LRP1B: variants seen among roughly 807,000 people sequenced by gnomAD.
The protein encoded by LRP1B is LDL receptor related protein 1B, also known as low-density lipoprotein receptor-related protein 1B.
LRP1B carries 217 observed loss-of-function variants against 556.6 expected under a neutral mutation model. That is an observed-to-expected ratio of 0.39 (90% confidence interval 0.35 to 0.44). The LOEUF is 0.44. LRP1B is among the 20% of genes least tolerant of loss of function. The pLI, the probability that LRP1B is intolerant of heterozygous loss-of-function variation, is 1.00. For synonymous variants in LRP1B, 2,047 were observed against 1,865.8 expected (o/e 1.10, Z -2.50); for missense variants, 5,053 against 5,620.8 (o/e 0.90, Z 3.23).
intron 77 of LRP1B, among the ~76,000 whole-genome samples, chr2:140,349,012 A>C (rs1681828991): frequency 6.6e-6 from 1 of 152,090 alleles, no homozygotes; most frequent in Admixed American, 6.6e-5. Context: ...CAGATTCCTC[A>C]CATGCACAGT....
chr2:140,258,709 T>C (rs1008895627), intron 86 of LRP1B, among the ~76,000 whole-genome samples: 1 of 152,090 alleles, frequency 6.6e-6, no homozygotes, highest in East Asian at 1.9e-4. Context: ...GAGACAGATG[T>C]CATTAGCAAT....
chr2:141,134,862 G>A (rs1701451977), intron 7 of LRP1B, among the ~76,000 whole-genome samples: 1 of 151,318 alleles, frequency 6.6e-6, no homozygotes, highest in South Asian at 2.1e-4. Context: ...GGCTACATAG[G>A]TTATTACCAC....
At position 140,507,914 on chromosome 2, in the gene LRP1B, A is replaced by G. The variant is rs563470872; in HGVS notation, c.8399-996T>C. The stretch of plus-strand genomic sequence containing the variant: ...CTGTTTCTTTATCTGTTTAATGGGG[A>G]TAATAAAATGTATCTGATACATTTC... On this transcript the variant is annotated intron_variant, in intron 52 of 90. Transcript: ENST00000389484. Among the ~76,000 whole-genome samples, 9 of 152,266 alleles carry G rather than the reference A, an allele frequency of 5.9e-5. No homozygotes were observed. The South Asian group carries it at 1.9e-3, about 32-fold the overall frequency.
intron 41 of LRP1B, among the ~76,000 whole-genome samples, chr2:140,670,980 G>C (rs769347707): frequency 2.0e-5 from 3 of 152,132 alleles, no homozygotes; most frequent in Admixed American, 6.5e-5. Context: ...TATGATAAAG[G>C]GATATAGGGC....
intron 6 of LRP1B, among the ~76,000 whole-genome samples, chr2:141,209,869 T>C (rs907208790): frequency 3.3e-5 from 5 of 152,096 alleles, no homozygotes; most frequent in South Asian, 2.1e-4. Context: ...ACAAGGGAAC[T>C]GAGGGGAAAG....
chr2:140,653,660 G>A (rs1684767638), intron 41 of LRP1B, among the ~76,000 whole-genome samples: 1 of 152,006 alleles, frequency 6.6e-6, no homozygotes, highest in African/African-American at 2.4e-5. Context: ...TAAAGAAATA[G>A]GGGTAATTTA....
chr2:141,435,724 G>A (rs1278218563), intron 3 of LRP1B, among the ~76,000 whole-genome samples: 1 of 152,166 alleles, frequency 6.6e-6, no homozygotes, highest in Non-Finnish European at 1.5e-5. Context: ...TCTATCCTAT[G>A]AACAGGCTGA....
intron 2 of LRP1B, among the ~76,000 whole-genome samples, chr2:141,687,130 A>G (rs1691342568): frequency 1.3e-5 from 2 of 152,054 alleles, no homozygotes; most frequent in Non-Finnish European, 2.9e-5. Context: ...ATTAAATGCA[A>G]TAATAACTCT....
At chr2:140,349,189 A>G (rs1681841682) in intron 77 of LRP1B, among the ~76,000 whole-genome samples, 3 of 152,182 alleles carry the variant, frequency 2.0e-5, no homozygotes, top group Admixed American at 2.0e-4. Context: ...CCCCTGAACT[A>G]GAACCCTGAA....
chr2:142,018,338 C>T (rs1703218911), intron 1 of LRP1B, among the ~76,000 whole-genome samples: 3 of 152,034 alleles, frequency 2.0e-5, no homozygotes, highest in Admixed American at 2.0e-4. Context: ...CAAAAGTCAG[C>T]CATATTAATA....
At chr2:140,917,391 G>C (rs912360013) in intron 21 of LRP1B, among the ~76,000 whole-genome samples, 1 of 152,110 alleles carries the variant, frequency 6.6e-6, no homozygotes, top group Non-Finnish European at 1.5e-5. Flanking sequence ...CCAAAAGCCT[G>C]CATGTAGATA....
intron 2 of LRP1B, among the ~76,000 whole-genome samples, chr2:141,614,198 A>G (rs185901165): frequency 1.3e-5 from 2 of 152,214 alleles, no homozygotes; most frequent in Admixed American, 1.3e-4. Context: ...GCATAAAACA[A>G]ATCTACTGAT....
chr2:141,229,850 T>A (rs180695870), intron 5 of LRP1B, among the ~76,000 whole-genome samples: 1 of 152,260 alleles, frequency 6.6e-6, no homozygotes, highest in Non-Finnish European at 1.5e-5. Context: ...CAGAAATAGA[T>A]TCTCCGGAGC....
chr2:140,625,517 CACTT>C lies in LRP1B; in HGVS notation c.6800-23882_6800-23879del, dbSNP rs531291090. Among the ~76,000 whole-genome samples, 71 of 152,168 alleles carry C rather than the reference CACTT, an allele frequency of 4.7e-4. 1 individual carries two copies. Among genetic ancestry groups the C allele is most frequent in the East Asian group, 1.2e-3 (6 of 5,176 alleles). On this transcript the variant is annotated intron_variant, in intron 41 of 90. Transcript: ENST00000389484. ...ACTGTTATCCATAATATACAAAAAA[CACTT>C]ACAACTCAACAAGAGAAAAATGAAC...
At chr2:141,091,776 A>T (rs569186056) in intron 7 of LRP1B, among the ~76,000 whole-genome samples, 1 of 152,334 alleles carries the variant, frequency 6.6e-6, no homozygotes, top group Non-Finnish European at 1.5e-5. Flanking sequence ...TAATCATACA[A>T]ATGTCAGACA....
chr2:141,310,021 A>C (rs569765838), intron 3 of LRP1B, among the ~76,000 whole-genome samples: 6 of 152,176 alleles, frequency 3.9e-5, no homozygotes, highest in Non-Finnish European at 7.3e-5. Context: ...CATTTTGTTA[A>C]GGCAGCCTTG....
At chr2:142,099,284 C>A (rs1559070287) in intron 1 of LRP1B, among the ~76,000 whole-genome samples, 2 of 151,778 alleles carry the variant, frequency 1.3e-5, no homozygotes, top group Non-Finnish European at 2.9e-5. Flanking sequence ...TCCCAGTGGG[C>A]TTTACCTTCA....
intron 1 of LRP1B, among the ~76,000 whole-genome samples, chr2:142,047,388 G>A (rs1400228975): frequency 1.3e-5 from 2 of 151,924 alleles, no homozygotes; most frequent in African/African-American, 4.8e-5. Flanking sequence ...AAAAAAATAT[G>A]CTAGGTTTTT....
At chr2:140,896,178 A>G (rs1341138626) in intron 23 of LRP1B, among the ~76,000 whole-genome samples, 1 of 152,156 alleles carries the variant, frequency 6.6e-6, no homozygotes, top group African/African-American at 2.4e-5. Context: ...TAATTGAATT[A>G]TAATTATTAA....
Sources: gnomAD v4.1 joint callset for allele counts (sites outside exome capture counted in the v4.1 genomes callset) on GRCh38, gnomAD v4.1.1 for gene constraint, MANE v1.5 for transcripts, NCBI Gene and HGNC (gene_info 2026-07-23, HGNC 2026-07-21) for gene names.